The following ACSL6 variants were observed in gnomAD, a reference collection of about 807,000 sequenced individuals.
ACSL6 encodes long-chain-fatty-acid--CoA ligase 6.
Under a neutral mutation model 98.2 loss-of-function variants are expected in ACSL6, and 47 were observed. The observed-to-expected ratio is 0.48, with a 90% CI of 0.38 to 0.61. ACSL6 has a LOEUF of 0.61. Ranked by LOEUF, ACSL6 falls within the 20% of genes least tolerant of loss-of-function variation. The probability of loss-of-function intolerance (pLI) is 0.00; values close to 1 mark genes in which losing one functional copy is unlikely to be tolerated. For synonymous variants in ACSL6, 362 were observed against 336.9 expected (o/e 1.07, Z -0.82); for missense variants, 761 against 913.4 (o/e 0.83, Z 2.15).
intron 5 of ACSL6, 82 bp downstream of exon 5, chr5:131,989,325 A>G (rs1754376135): frequency 7.5e-7 from 1 of 1,333,488 alleles, no homozygotes; most frequent in African/African-American, 1.5e-5. Context: ...TGGGCCCTAC[A>G]AACAGTGAAA....
chr5:131,984,055 G>C (rs1041234867), intron 9 of ACSL6: 1 of 152,232 alleles, frequency 6.6e-6, no homozygotes, highest in African/African-American at 2.4e-5. Flanking sequence ...AAGACAAAAA[G>C]ACATTGGAAA....
intron 1 of ACSL6, among the ~76,000 whole-genome samples, chr5:132,008,938 AGCTC>A (rs1755564067): frequency 1.3e-5 from 2 of 152,246 alleles, no homozygotes; most frequent in African/African-American, 4.8e-5. Flanking sequence ...GGCAGGCAGA[AGCTC>A]TGATCCTCTG....
chr5:131,958,101 TA>T (rs1227507495), intron 20 of ACSL6, among the ~76,000 whole-genome samples: 1 of 152,218 alleles, frequency 6.6e-6, no homozygotes, highest in African/African-American at 2.4e-5. Context: ...GAAACTTAAC[TA>T]AAGGTCTCTT....
Position 132,011,568 on chromosome 5 carries a change from C to T in ACSL6, c.-15G>A. On this transcript the variant is annotated 5_prime_UTR_variant, in exon 1 of 21. Coordinates refer to ENST00000651883, the MANE Select transcript of ACSL6 (RefSeq NM_001009185.3). This position sits in a 1 kb window ranked among gnomAD's most constrained non-coding sequence, Gnocchi z 5.4. ...AAGGTCAGCATGGCGGTCAGCGGGG[C>T]CCGGCCCGGCCCGGCCCGGCCTCCC... 2.0e-6 allele frequency: 3 copies of T among 1,512,636 alleles called. No individual in the cohort carries two copies. Among genetic ancestry groups the T allele is most frequent in the Non-Finnish European group, 2.6e-6 (3 of 1,132,248 alleles). The allele number at this position is 1,512,636 out of a possible 1,614,324, so 93.7% of individuals were successfully genotyped here. A position where few individuals can be genotyped will look rare whatever the true frequency, so the allele number is the denominator to read the frequency against.
intron 1 of ACSL6, chr5:131,994,744 A>C: frequency 5.6e-6 from 1 of 177,258 alleles, no homozygotes; most frequent in Non-Finnish European, 1.2e-5. Flanking sequence ...TAATCTCCCA[A>C]CTCCAGGCCC....
intron 2 of ACSL6, among the ~76,000 whole-genome samples, chr5:131,991,742 C>T (rs1414886502): frequency 2.0e-5 from 3 of 152,148 alleles, no homozygotes; most frequent in African/African-American, 4.8e-5. Context: ...ATCACAGCTC[C>T]ACCTCTTCTT....
intron 1 of ACSL6, chr5:132,003,603 C>G (rs920623554): frequency 1.3e-5 from 2 of 152,282 alleles, no homozygotes; most frequent in African/African-American, 2.4e-5. Flanking sequence ...CCTGGCCAGG[C>G]TGGGGCTGTT....
chr5:131,985,316 A>G, intron 9 of ACSL6, 91 bp downstream of exon 9: 1 of 1,512,502 alleles, frequency 6.6e-7, no homozygotes, highest in Non-Finnish European at 9.1e-7. Flanking sequence ...CCCATTTCAA[A>G]CAGGGTATCA....
chr5:131,994,467 C>T, intron 1 of ACSL6: 1 of 558,762 alleles, frequency 1.8e-6, no homozygotes, highest in Non-Finnish European at 3.2e-6. Flanking sequence ...AGTCAGATGT[C>T]CTGCCCACTT....
intron 17 of ACSL6, among the ~76,000 whole-genome samples, chr5:131,963,553 G>A (rs1018996864): frequency 1.3e-5 from 2 of 152,142 alleles, no homozygotes; most frequent in East Asian, 3.9e-4. Context: ...TGAAACTCAC[G>A]ACCAAGCTTC....
intron 15 of ACSL6, among the ~76,000 whole-genome samples, chr5:131,968,533 T>G (rs1297544200): frequency 6.6e-6 from 1 of 152,162 alleles, no homozygotes; most frequent in Non-Finnish European, 1.5e-5. Flanking sequence ...GGGCCTGAGA[T>G]TCGACATTTC....
chr5:131,982,278 G>A (rs1462185704), intron 9 of ACSL6: 1 of 149,628 alleles, frequency 6.7e-6, no homozygotes, highest in Non-Finnish European at 1.5e-5. Flanking sequence ...CAAGTAGCTG[G>A]GACTACAGGC....
At chr5:131,990,821 C>G (rs766273159) in intron 3 of ACSL6, 32 bp downstream of exon 3, 3 of 1,464,178 alleles carry the variant, frequency 2.0e-6, no homozygotes, top group Non-Finnish European at 2.7e-6. Flanking sequence ...GCCACACAGC[C>G]CCTCCACACC....
At chr5:131,975,799 C>G (rs945991252) in intron 10 of ACSL6, 9 of 985,352 alleles carry the variant, frequency 9.1e-6, no homozygotes, top group African/African-American at 1.7e-5. Context: ...TGCTGGACTT[C>G]CCTGCTCTCC....
Position 131,954,006 on chromosome 5 carries a change from T to C in ACSL6, c.*228A>G, listed in dbSNP as rs1487121060. ...ATGTCTTGATTTTTACATTGCCATT[T>C]GTGATATTTTTAGCAGTCCACCACA... On this transcript the variant is annotated 3_prime_UTR_variant, in exon 21 of 21. Transcript: ENST00000651883. 5 of 324,142 alleles carry C rather than the reference T, an allele frequency of 1.5e-5. No individual in the cohort carries two copies. The highest frequency in any genetic ancestry group is 2.8e-5 in the Non-Finnish European group (5 of 181,434). 20.1% of individuals were successfully genotyped at this position (324,142 alleles called of 1,614,324 possible).
chr5:131,994,375 G>A (rs184539496), intron 1 of ACSL6, 124 bp from the exon 2 acceptor site: 17 of 817,390 alleles, frequency 2.1e-5, no homozygotes, highest in East Asian at 1.3e-4. Context: ...GAGTTGGGAT[G>A]TACAGAGTGC....
At chr5:131,954,940 G>T (rs1752320919) in intron 20 of ACSL6, among the ~76,000 whole-genome samples, 1 of 152,156 alleles carries the variant, frequency 6.6e-6, no homozygotes, top group Admixed American at 6.5e-5. Context: ...GTGGTTTCTT[G>T]TTCCATAAAA....
intron 15 of ACSL6, 125 bp downstream of exon 15, chr5:131,970,003 T>C: frequency 1.3e-6 from 1 of 797,650 alleles, no homozygotes. Context: ...AATGTTTTTT[T>C]CTGTCTCTTT....
At chr5:131,966,137 T>C (rs1752999663) in intron 17 of ACSL6, among the ~76,000 whole-genome samples, 1 of 152,160 alleles carries the variant, frequency 6.6e-6, no homozygotes, top group South Asian at 2.1e-4. Flanking sequence ...CCACACACTG[T>C]CAGATGTCTT....
Sources: gnomAD v4.1 joint callset for allele counts (sites outside exome capture counted in the v4.1 genomes callset) on GRCh38, gnomAD v4.1.1 for gene constraint, Gnocchi (gnomAD v3.1) non-coding constraint, MANE v1.5 for transcripts, NCBI Gene and HGNC (gene_info 2026-07-23, HGNC 2026-07-21) for gene names.